RPH3A: variants seen among roughly 807,000 people sequenced by gnomAD.
RPH3A encodes rabphilin-3A.
In RPH3A, 48 loss-of-function variants were observed where a neutral mutation model predicts 102.2. That is an observed-to-expected ratio of 0.47 (90% CI 0.37 to 0.60). The LOEUF (loss-of-function observed/expected upper bound fraction) is 0.60, where lower values mean the gene tolerates loss of function less well. RPH3A is among the 20% of genes least tolerant of loss of function. The pLI is 0.00. For missense variants in RPH3A, 781 were observed against 910.1 expected (o/e 0.86, Z 1.83); for synonymous variants, 310 against 324.3 (o/e 0.96, Z 0.47).
intron 5 of RPH3A, among the ~76,000 whole-genome samples, chr12:112,848,067 G>A (rs1460272010): frequency 6.6e-6 from 1 of 152,156 alleles, no homozygotes; most frequent in Non-Finnish European, 1.5e-5. Context: ...GGGACTAGAG[G>A]AGAGATTGGG....
chr12:112,708,080 T>G (rs2040436878), intron 1 of RPH3A, among the ~76,000 whole-genome samples: 1 of 152,234 alleles, frequency 6.6e-6, no homozygotes, highest in African/African-American at 2.4e-5. Context: ...ATCTTCAGAC[T>G]AGTTGGCTTC....
Position 112,868,497 on chromosome 12 carries a change from C to T in RPH3A, c.512C>T (p.Pro171Leu), listed in dbSNP as rs1478442608. ...FPKQVLPQPM[P>L]IKKTKPQQPV... Reference sequence around the variant, plus strand: ...AAACAGGTCCTCCCACAGCCTATGCCTATAAAGAAGACCAAGCCCCAGCAG... The same window carrying T: ...AAACAGGTCCTCCCACAGCCTATGCTTATAAAGAAGACCAAGCCCCAGCAG... Residue 171 changes from proline to leucine, a missense_variant, in exon 8 of 22, where the codon CCT becomes CTT. Transcript: ENST00000389385. 1.9e-6 allele frequency: 3 copies of T among 1,614,178 alleles called. No individual in the cohort carries two copies. Among genetic ancestry groups the T allele is most frequent in the Non-Finnish European group, 1.7e-6 (2 of 1,180,020 alleles).
chr12:112,711,763 G>A (rs1365903818), intron 1 of RPH3A, among the ~76,000 whole-genome samples: 1 of 152,178 alleles, frequency 6.6e-6, no homozygotes, highest in Non-Finnish European at 1.5e-5. Flanking sequence ...CATACTGCTT[G>A]CTGGGGAGAA....
intron 1 of RPH3A, among the ~76,000 whole-genome samples, chr12:112,717,695 G>A (rs1237748929): frequency 6.7e-6 from 1 of 149,178 alleles, no homozygotes; most frequent in Non-Finnish European, 1.5e-5. Context: ...ACAAACATTT[G>A]TGTACTGGTT....
intron 1 of RPH3A, among the ~76,000 whole-genome samples, chr12:112,766,341 T>C (rs2040888333): frequency 6.6e-6 from 1 of 152,242 alleles, no homozygotes. Flanking sequence ...GAAGTGCTTA[T>C]AACTGCCTGG....
intron 1 of RPH3A, among the ~76,000 whole-genome samples, chr12:112,694,517 C>T (rs191100474): frequency 6.6e-6 from 1 of 151,446 alleles, no homozygotes; most frequent in Non-Finnish European, 1.5e-5. Flanking sequence ...GCAGCAGCAG[C>T]AGCATAAGAA....
At chr12:112,656,916 G>A (rs564511721) in intron 1 of RPH3A, among the ~76,000 whole-genome samples, 1 of 152,084 alleles carries the variant, frequency 6.6e-6, no homozygotes, top group Non-Finnish European at 1.5e-5. Flanking sequence ...AAACATATGA[G>A]TGAATGTGTC....
At chr12:112,637,113 T>G (rs928628728) in intron 1 of RPH3A, among the ~76,000 whole-genome samples, 2 of 152,080 alleles carry the variant, frequency 1.3e-5, no homozygotes, top group Non-Finnish European at 2.9e-5. Context: ...ATATGCAGAG[T>G]ATTTCCAAAC....
chr12:112,648,596 A>AAAAAAAAAAAAAAAAAC (rs1225826500), intron 1 of RPH3A, among the ~76,000 whole-genome samples: 4 of 140,800 alleles, frequency 2.8e-5, no homozygotes, highest in Non-Finnish European at 4.6e-5. Context: ...AAAAAAAAAA[A>AAAAAAAAAAAAAAAAAC]AAGCTAGGTG....
At chr12:112,770,343 G>GTTTGT (rs56803863) in intron 1 of RPH3A, among the ~76,000 whole-genome samples, 5 of 150,302 alleles carry the variant, frequency 3.3e-5, no homozygotes, top group African/African-American at 1.2e-4. Context: ...TTTCTTTTTT[G>GTTTGT]TTTGTTTTGT....
rs2040436846 is a variant in RPH3A at position 112,708,078 on chromosome 12, A to G, written c.-139-84065A>G. Among the ~76,000 whole-genome samples, 5 of 152,240 alleles carry G rather than the reference A, an allele frequency of 3.3e-5. 1 individual carries two copies. In the South Asian group the frequency reaches 1.0e-3, roughly 32 times the overall value. ...CTTAGCTCCTTGGTGGAATCTTCAG[A>G]CTAGTTGGCTTCAACTGTTCTGAAA... On this transcript the variant is annotated intron_variant, in intron 1 of 21. Coordinates refer to the RPH3A transcript ENST00000543106.
intron 1 of RPH3A, among the ~76,000 whole-genome samples, chr12:112,700,318 C>G (rs2040384218): frequency 6.6e-6 from 1 of 152,102 alleles, no homozygotes; most frequent in Admixed American, 6.5e-5. Flanking sequence ...ATCCACCCAC[C>G]TCTGCTTCCC....
intron 1 of RPH3A, among the ~76,000 whole-genome samples, chr12:112,596,074 C>T (rs529731849): frequency 6.6e-6 from 1 of 152,278 alleles, no homozygotes; most frequent in South Asian, 2.1e-4. Context: ...AGGGTGGGTT[C>T]TCAAAACATC....
intron 3 of RPH3A, among the ~76,000 whole-genome samples, chr12:112,835,685 A>G (rs10492026): frequency 0.16 from 23,997 of 152,192 alleles, 3,891 homozygotes; most frequent in African/African-American, 0.41. Context: ...GTCTTTCTCC[A>G]GTAAATTAAC....
chr12:112,583,298 C>T (rs1566216517), intron 1 of RPH3A, among the ~76,000 whole-genome samples: 2 of 152,144 alleles, frequency 1.3e-5, no homozygotes, highest in African/African-American at 4.8e-5. Context: ...TTACAACAGC[C>T]CCTCTGAAGT....
chr12:112,748,550 G>A lies in RPH3A; in HGVS notation c.-139-43593G>A, dbSNP rs537074757. ...GGGCCTTACTATATTGCTCGGGCTG[G>A]TCTTGAACTCCTGGCCTCAAGTGAT... On this transcript the variant is annotated intron_variant, in intron 1 of 21. Coordinates refer to the RPH3A transcript ENST00000543106. 3.2e-3 allele frequency among the ~76,000 whole-genome samples: 494 copies of A among 152,194 alleles called. 2 individuals carry two copies. Among genetic ancestry groups the A allele is most frequent in the Non-Finnish European group, 5.8e-3 (395 of 68,006 alleles).
intron 1 of RPH3A, among the ~76,000 whole-genome samples, chr12:112,727,006 G>C (rs560015134): frequency 1.3e-5 from 2 of 152,156 alleles, no homozygotes; most frequent in East Asian, 3.9e-4. Context: ...TGGGGCGACA[G>C]AGCCAGACTC....
intron 1 of RPH3A, among the ~76,000 whole-genome samples, chr12:112,703,727 A>G (rs1267997643): frequency 6.6e-6 from 1 of 152,182 alleles, no homozygotes; most frequent in African/African-American, 2.4e-5. Context: ...TTCACCCTGC[A>G]TTCTTTGACC....
intron 1 of RPH3A, among the ~76,000 whole-genome samples, chr12:112,703,656 C>G (rs548103290): frequency 6.6e-6 from 1 of 152,324 alleles, no homozygotes; most frequent in East Asian, 1.9e-4. Context: ...GCTTACAAAC[C>G]TCCACAGAGG....
Sources: allele counts gnomAD v4.1 joint callset (sites outside exome capture counted in the v4.1 genomes callset), GRCh38; gene constraint gnomAD v4.1.1; transcripts MANE v1.5; gene names NCBI Gene and HGNC (gene_info 2026-07-23, HGNC 2026-07-21).